ZMYND10: variants seen among roughly 807,000 people sequenced by gnomAD.
ZMYND10 encodes the protein zinc finger MYND-type containing 10, also known as zinc finger MYND domain-containing protein 10.
A neutral mutation model predicts 62.6 loss-of-function variants in ZMYND10; 52 were observed. The observed-to-expected ratio is 0.83, with a 90% CI of 0.67 to 1.05. The LOEUF (loss-of-function observed/expected upper bound fraction) is 1.05. ZMYND10 is among the 50% of genes least tolerant of loss of function. The pLI, the probability that ZMYND10 is intolerant of heterozygous loss-of-function variation, is 0.00. For synonymous variants in ZMYND10, 197 were observed against 218.5 expected (o/e 0.90, Z 0.87); for missense variants, 438 against 543.3 (o/e 0.81, Z 1.93).
Position 50,341,901 on chromosome 3 carries a change from C to G in ZMYND10, c.1030G>C (p.Glu344Gln), listed in dbSNP as rs200929805. ...IPEIWERLER[E>Q]NRGKWQAIAK... ...ATTGCCTGCCACTTGCCTCTGTTTT[C>G]TCGCTCCAGCCGCTCCCAGATTTCT... Residue 344 changes from glutamate (E) to glutamine (Q), a missense_variant, in exon 10 of 12, where the codon GAA becomes CAA. Physicochemically the swap from Glu to Gln is conservative, Grantham distance 29 (BLOSUM62 2). Transcript: ENST00000231749. 6.2e-7 allele frequency: 1 copy of G among 1,614,178 alleles called. No homozygotes were observed. Among genetic ancestry groups the G allele is most frequent in the Admixed American group, 1.7e-5 (1 of 60,028 alleles).
At position 50,345,443 on chromosome 3, in the gene ZMYND10, T is replaced by C; in HGVS notation, c.92+45A>G. The C allele has an allele frequency of 6.4e-7, 1 of 1,555,758 alleles. No individual in the cohort carries two copies. The highest frequency in any genetic ancestry group is 8.7e-7 in the Non-Finnish European group (1 of 1,148,932). On this transcript the variant is annotated intron_variant, in intron 1 of 11. Coordinates refer to ENST00000231749, the MANE Select transcript of ZMYND10 (RefSeq NM_015896.4). This position sits in a 1 kb window ranked among gnomAD's most constrained non-coding sequence, Gnocchi z 5.0. ...CCGAGTCAGGCCCCAGCTCCCCGAC[T>C]CAAGGACAATGACTCCGGGACTCCG...
chr3:50,345,087 G>A lies in ZMYND10; in HGVS notation c.201+37C>T, dbSNP rs760802549. Reference sequence around the variant, plus strand: ...GGAGGGGTAGAGTAGGTGAGGTATGGGGGAAGGCAGGAACCCTGCCTGTGA... The same window carrying A: ...GGAGGGGTAGAGTAGGTGAGGTATGAGGGAAGGCAGGAACCCTGCCTGTGA... On this transcript the variant is annotated intron_variant, in intron 2 of 11. Coordinates refer to ENST00000231749, the MANE Select transcript of ZMYND10 (RefSeq NM_015896.4). The surrounding 1 kb of genome is among the most constrained non-coding windows in gnomAD (Gnocchi z 5.0). 3 of 1,593,548 alleles carry A rather than the reference G, an allele frequency of 1.9e-6. No homozygotes were observed. Among genetic ancestry groups the A allele is most frequent in the Non-Finnish European group, 2.6e-6 (3 of 1,164,904 alleles).
At position 50,345,207 on chromosome 3, in the gene ZMYND10, C is replaced by A. The variant is rs746219544; in HGVS notation, c.118G>T (p.Glu40Ter). The A allele has an allele frequency of 1.9e-6, 3 of 1,613,948 alleles. No homozygotes were observed. Among genetic ancestry groups the A allele is most frequent in the Non-Finnish European group, 2.5e-6 (3 of 1,179,968 alleles). ...AGGATGGCTTGCATGTTCAGCTTCT[C>A]CAGGTTCTCATGCTGCTGGTTCCAC... ...EGWNQQHENLEKLNMQAILDA... is the reference protein window; with the variant it reads ...EGWNQQHENL Residue 40 changes from glutamate (E) to a stop codon, truncating the protein, a stop_gained, in exon 2 of 12, where the codon GAG becomes TAG. Coordinates refer to ENST00000231749, the MANE Select transcript of ZMYND10 (RefSeq NM_015896.4). LOFTEE classifies it high-confidence loss of function. The surrounding 1 kb of genome is among the most constrained non-coding windows in gnomAD (Gnocchi z 5.0).
chr3:50,341,310 T>C lies in ZMYND10; in HGVS notation c.*100A>G, dbSNP rs143273432. The C allele has an allele frequency of 8.3e-6, 12 of 1,437,354 alleles. No individual in the cohort carries two copies. In the African/African-American group the frequency reaches 1.3e-4, roughly 15 times the overall value. 89.0% of individuals were successfully genotyped at this position (1,437,354 alleles called of 1,614,324 possible). On this transcript the variant is annotated 3_prime_UTR_variant, in exon 12 of 12. Coordinates refer to ENST00000231749, the MANE Select transcript of ZMYND10 (RefSeq NM_015896.4). ...CCGCTCTGCTCTCCACTGCGGAGAC[T>C]GGGGCTCCGGCAGAGGCTGGACCGT...
chr3:50,341,573 C>T lies in ZMYND10; in HGVS notation c.1247+1G>A. ...GGTCCAAGGTTCTAGGATACCCTCA[C>T]CTGCAGCAATACCACTCATTCTGGC... On this transcript the variant is annotated splice_donor_variant, in intron 11 of 11. Transcript: ENST00000231749. LOFTEE classifies it high-confidence loss of function. 6 of 1,614,224 alleles carry T rather than the reference C, an allele frequency of 3.7e-6. No individual in the cohort carries two copies. The highest frequency in any genetic ancestry group is 1.1e-5 in the South Asian group (1 of 91,090).
In ZMYND10 at chr3:50,342,433, G is replaced by A; in HGVS notation, c.837C>T (p.Tyr279=). 1 of 1,603,582 alleles carries A rather than the reference G, an allele frequency of 6.2e-7. No homozygotes were observed. Among genetic ancestry groups the A allele is most frequent in the Non-Finnish European group, 8.5e-7 (1 of 1,174,358 alleles). The part of the protein sequence containing the change: ...LLLSPEAQAR[Y]CLTSFAKGRL... ...GTCCCTTGGCAAAACTTGTGAGGCA[G>A]TAGCGCGCCTGAGCCTCAGGGCTTA... is the stretch of plus-strand genomic sequence containing the variant. Residue 279 remains tyrosine, a synonymous_variant, in exon 8 of 12, where the codon TAC becomes TAT. Transcript: ENST00000231749.
Position 50,345,106 on chromosome 3 carries a change from C to A in ZMYND10, c.201+18G>T, listed in dbSNP as rs1474147168. On this transcript the variant is annotated intron_variant, in intron 2 of 11. Coordinates refer to ENST00000231749, the MANE Select transcript of ZMYND10 (RefSeq NM_015896.4). The surrounding 1 kb of genome is among the most constrained non-coding windows in gnomAD (Gnocchi z 5.0). ...GGTATGGGGGAAGGCAGGAACCCTGCCTGTGACCTCGGGGTACCTTCCCAT... is the reference window on the plus strand; with the variant it reads ...GGTATGGGGGAAGGCAGGAACCCTGACTGTGACCTCGGGGTACCTTCCCAT... 1.2e-6 allele frequency: 2 copies of A among 1,610,528 alleles called. No homozygotes were observed. Among genetic ancestry groups the A allele is most frequent in the Admixed American group, 1.7e-5 (1 of 59,732 alleles).
At position 50,341,891 on chromosome 3, in the gene ZMYND10, C is replaced by T. The variant is rs1703392020; in HGVS notation, c.1040G>A (p.Gly347Asp). 6.2e-7 allele frequency: 1 copy of T among 1,614,064 alleles called. No homozygotes were observed. The highest frequency in any genetic ancestry group is 8.5e-7 in the Non-Finnish European group (1 of 1,180,050). The change falls in exon 10 of 12, where the codon GGC becomes GAC. Residue 347 changes from glycine (G) to aspartate (D), a missense_variant. Coordinates refer to ENST00000231749, the MANE Select transcript of ZMYND10 (RefSeq NM_015896.4). ...IWERLERENR[G>D]KWQAIAKHQL... Reference sequence around the variant, plus strand: ...GTGCTTGGCAATTGCCTGCCACTTGCCTCTGTTTTCTCGCTCCAGCCGCTC... The same window carrying T: ...GTGCTTGGCAATTGCCTGCCACTTGTCTCTGTTTTCTCGCTCCAGCCGCTC...
In ZMYND10 at chr3:50,345,008, C is replaced by T. The variant is rs1050310333; in HGVS notation, c.201+116G>A. 1 of 809,574 alleles carries T rather than the reference C, an allele frequency of 1.2e-6. No individual in the cohort carries two copies. The highest frequency in any genetic ancestry group is 1.6e-5 in the South Asian group (1 of 61,744). The allele number at this position is 809,574 out of a possible 1,614,324, so 50.1% of individuals were successfully genotyped here. The stretch of plus-strand genomic sequence containing the variant: ...AACATGTAACACATTCCTCTTTGTC[C>T]TTCAGGGAGAACAGGTGTACCAGGC... On this transcript the variant is annotated intron_variant, in intron 2 of 11. Coordinates refer to ENST00000231749, the MANE Select transcript of ZMYND10 (RefSeq NM_015896.4). The surrounding 1 kb of genome is among the most constrained non-coding windows in gnomAD (Gnocchi z 5.0).
At chr3:50,342,642 AGACT>A in intron 7 of ZMYND10, 73 bp from the exon 8 acceptor site, 1 of 1,549,178 alleles carries the variant, frequency 6.5e-7, no homozygotes. Flanking sequence ...GGGGGCTGGG[AGACT>A]GACCACTGCC....
At position 50,345,374 on chromosome 3, in the gene ZMYND10, T is replaced by C; in HGVS notation, c.92+114A>G. 1 of 1,502,426 alleles carries C rather than the reference T, an allele frequency of 6.7e-7. No individual in the cohort carries two copies. Among genetic ancestry groups the C allele is most frequent in the Non-Finnish European group, 9.0e-7 (1 of 1,110,798 alleles). The allele number at this position is 1,502,426 out of a possible 1,614,324, so 93.1% of individuals were successfully genotyped here. A position where few individuals can be genotyped will look rare whatever the true frequency, so the allele number is the denominator to read the frequency against. ...GTAATACTCCTGTCTCGGAACGCTC[T>C]GCTCCCCCATTTGGGAGCCCCTCCA... On this transcript the variant is annotated intron_variant, in intron 1 of 11. Coordinates refer to ENST00000231749, the MANE Select transcript of ZMYND10 (RefSeq NM_015896.4). The surrounding 1 kb of genome is among the most constrained non-coding windows in gnomAD (Gnocchi z 5.0).
intron 9 of ZMYND10, 21 bp from the exon 10 acceptor site, chr3:50,341,952 G>C (rs770651171): frequency 6.2e-7 from 1 of 1,614,236 alleles, no homozygotes; most frequent in Admixed American, 1.7e-5. Context: ...GAAGTGGAGA[G>C]TGGCAGGAAG....
rs183796437 is a variant in ZMYND10, at chr3:50,343,458, G to A, written c.373-14C>T. 1.8e-4 allele frequency: 290 copies of A among 1,612,292 alleles called. No individual in the cohort carries two copies. The highest frequency in any genetic ancestry group is 9.9e-4 in the Middle Eastern group (6 of 6,054). On this transcript the variant is annotated splice_polypyrimidine_tract_variant and intron_variant, in intron 4 of 11. Transcript: ENST00000231749. ...CTCACACACCTCCTGGGAAAAGGAG[G>A]AGGGAAACTTTCTGTGTCTGATGCC... is the stretch of plus-strand genomic sequence containing the variant.
In ZMYND10 at chr3:50,343,355, A is replaced by G; in HGVS notation, c.462T>C (p.Cys154=). The part of the protein sequence containing the change: ...KLTLLVAQSG[C]GGPPEGEGSQ... ...ATCCCTCCCCCTCAGGGGGGCCACC[A>G]CAGCCACTCTGGGCCACCAGCAGGG... Residue 154 remains cysteine (C), a synonymous_variant, in exon 5 of 12, where the codon TGT becomes TGC. Transcript: ENST00000231749. 1.2e-6 allele frequency: 2 copies of G among 1,612,018 alleles called. No homozygotes were observed. Among genetic ancestry groups the G allele is most frequent in the Non-Finnish European group, 1.7e-6 (2 of 1,179,436 alleles).
chr3:50,341,486 C>A lies in ZMYND10; in HGVS notation c.1248-1G>T, dbSNP rs145320643. Reference sequence around the variant, plus strand: ...TTCCCAGTGCTTGACTTGGCACTCCCTGCAGGCAGGTGGGTATTGAGGATG... The same window carrying A: ...TTCCCAGTGCTTGACTTGGCACTCCATGCAGGCAGGTGGGTATTGAGGATG... On this transcript the variant is annotated splice_acceptor_variant, in intron 11 of 11. Transcript: ENST00000231749. LOFTEE classifies it high-confidence loss of function. 1.5e-5 allele frequency: 25 copies of A among 1,614,120 alleles called. No homozygotes were observed. The highest frequency in any genetic ancestry group is 2.1e-5 in the Non-Finnish European group (25 of 1,180,030).
chr3:50,342,729 T>C, intron 7 of ZMYND10, 160 bp from the exon 8 acceptor site: 1 of 1,466,282 alleles, frequency 6.8e-7, no homozygotes, highest in Non-Finnish European at 9.0e-7. Flanking sequence ...AGGGTGAGCC[T>C]CAGTAGTGGA....
chr3:50,343,899 C>T (rs1341936470), intron 2 of ZMYND10, 49 bp from the exon 3 acceptor site: 1 of 1,562,814 alleles, frequency 6.4e-7, no homozygotes, highest in East Asian at 2.2e-5. Flanking sequence ...CTACCTTTGC[C>T]TGGCAACCCT....
At position 50,343,297 on chromosome 3, in the gene ZMYND10, C is replaced by T. The variant is rs1175073130; in HGVS notation, c.510+10G>A. ...CTAGGCTTTCACAACCCTAGGTAAC[C>T]TCAACCCACCTGCATGGGGTTGCTG... is the stretch of plus-strand genomic sequence containing the variant. On this transcript the variant is annotated intron_variant, in intron 5 of 11. Coordinates refer to ENST00000231749, the MANE Select transcript of ZMYND10 (RefSeq NM_015896.4). The T allele has an allele frequency of 1.2e-6, 2 of 1,612,192 alleles. No homozygotes were observed. The highest frequency in any genetic ancestry group is 1.7e-6 in the Non-Finnish European group (2 of 1,178,992).
intron 2 of ZMYND10, chr3:50,344,184 C>T: frequency 5.3e-6 from 2 of 375,856 alleles, no homozygotes; most frequent in Non-Finnish European, 1.0e-5. Context: ...TGCCCTCCCT[C>T]TAGTCCCTGT....
Sources: allele counts gnomAD v4.1 joint callset, GRCh38; gene constraint gnomAD v4.1.1; non-coding constraint Gnocchi (gnomAD v3.1); transcripts MANE v1.5; gene names NCBI Gene and HGNC (gene_info 2026-07-23, HGNC 2026-07-21).